Variants in FRY observed in about 807,000 individuals in gnomAD.
FRY encodes the protein FRY microtubule binding protein.
In FRY, 128 loss-of-function variants were observed where a neutral mutation model predicts 348.4. That is an observed-to-expected ratio of 0.37 (90% CI 0.32 to 0.43). The LOEUF is 0.43. Ranked by LOEUF, FRY falls within the 20% of genes least tolerant of loss-of-function variation. The pLI is 1.00. For synonymous variants in FRY, 1,370 were observed against 1,374.7 expected (o/e 1.00, Z 0.08); for missense variants, 2,736 against 3,695.2 (o/e 0.74, Z 6.73).
intron 7 of FRY, among the ~76,000 whole-genome samples, chr13:32,128,052 A>T (rs1879135114): frequency 6.6e-6 from 1 of 152,214 alleles, no homozygotes; most frequent in Non-Finnish European, 1.5e-5. Context: ...TCTGGAAATA[A>T]TTTGAAAAGA....
chr13:32,196,508 G>A (rs926628329), intron 29 of FRY, among the ~76,000 whole-genome samples: 11 of 152,104 alleles, frequency 7.2e-5, no homozygotes, highest in Admixed American at 6.6e-5. Context: ...TGTGGCAATG[G>A]GGAAAATGGT....
At chr13:32,137,829 AC>A (rs1382866366) in intron 11 of FRY, among the ~76,000 whole-genome samples, 25 of 151,994 alleles carry the variant, frequency 1.6e-4, no homozygotes, top group Non-Finnish European at 3.1e-4. Flanking sequence ...TATACACGTT[AC>A]CTTTTTTTTT....
At chr13:32,053,194 A>G (rs1873437935) in intron 1 of FRY, among the ~76,000 whole-genome samples, 1 of 152,236 alleles carries the variant, frequency 6.6e-6, no homozygotes, top group Non-Finnish European at 1.5e-5. Context: ...TAGCTACTGT[A>G]TTAGAACACA....
intron 1 of FRY, among the ~76,000 whole-genome samples, chr13:32,040,285 G>A (rs964308159): frequency 2.6e-5 from 4 of 152,126 alleles, no homozygotes; most frequent in Non-Finnish European, 5.9e-5. Flanking sequence ...ACAAGATTGG[G>A]TTTTTCTTCT....
intron 3 of FRY, among the ~76,000 whole-genome samples, chr13:32,106,302 A>G (rs1402223719): frequency 6.6e-6 from 1 of 151,684 alleles, no homozygotes; most frequent in Non-Finnish European, 1.5e-5. Context: ...AACCTGAAGG[A>G]GCCAAGACTG....
At chr13:32,238,388 G>GT (rs1377528495) in intron 44 of FRY, among the ~76,000 whole-genome samples, 2 of 151,752 alleles carry the variant, frequency 1.3e-5, no homozygotes, top group Non-Finnish European at 2.9e-5. Flanking sequence ...GTTTCCTCTT[G>GT]TTTTGAATTA....
At chr13:32,131,866 G>A (rs767054311) in intron 8 of FRY, 26 bp downstream of exon 8, 5 of 1,585,442 alleles carry the variant, frequency 3.2e-6, no homozygotes, top group East Asian at 2.2e-5. Flanking sequence ...GGAGAGCTAA[G>A]GTGCTCTCAA....
chr13:32,123,293 C>T (rs1353950465), intron 4 of FRY, among the ~76,000 whole-genome samples: 3 of 152,194 alleles, frequency 2.0e-5, no homozygotes, highest in Non-Finnish European at 4.4e-5. Flanking sequence ...TCAAATTATA[C>T]TATAAGGCCA....
At chr13:32,167,104 C>T (rs1226076615) in intron 17 of FRY, among the ~76,000 whole-genome samples, 1 of 152,192 alleles carries the variant, frequency 6.6e-6, no homozygotes, top group Non-Finnish European at 1.5e-5. Context: ...GAATCAATCT[C>T]ATTTGGAAAG....
intron 41 of FRY, 58 bp from the exon 42 acceptor site, chr13:32,234,516 G>A: frequency 6.8e-7 from 1 of 1,473,188 alleles, no homozygotes; most frequent in South Asian, 1.1e-5. Flanking sequence ...AGGTAACTTT[G>A]ATGCCCCAGA....
intron 1 of FRY, among the ~76,000 whole-genome samples, chr13:32,074,190 G>A (rs1211131724): frequency 6.6e-6 from 1 of 152,140 alleles, no homozygotes; most frequent in African/African-American, 2.4e-5. Context: ...TAATATAAAA[G>A]ATAGAGACCC....
intron 8 of FRY, among the ~76,000 whole-genome samples, 200 bp from the exon 9 acceptor site, chr13:32,134,704 T>C (rs1011325096): frequency 9.2e-5 from 14 of 152,234 alleles, no homozygotes; most frequent in Non-Finnish European, 1.8e-4. Context: ...AAAACCAGCC[T>C]TGCAGAATGT....
intron 35 of FRY, among the ~76,000 whole-genome samples, chr13:32,214,588 T>C (rs1340832229): frequency 1.3e-5 from 2 of 152,244 alleles, no homozygotes; most frequent in Non-Finnish European, 2.9e-5. Flanking sequence ...TCTACTGTGC[T>C]GTGCATAGTA....
At chr13:32,035,736 C>T (rs946818096) in intron 1 of FRY, among the ~76,000 whole-genome samples, 3 of 152,190 alleles carry the variant, frequency 2.0e-5, no homozygotes, top group African/African-American at 4.8e-5. Context: ...GCTACACCAT[C>T]GAGGGAAACT....
In FRY at chr13:32,212,314, A is replaced by C; in HGVS notation, c.4614A>C (p.Thr1538=). ...AASGTTSSSN[T]VVAGQENFPD... ...CAGGAACCACCTCTAGCAGCAATAC[A>C]GTGGTTGCTGGCCAGGAAAATTTCC... is the stretch of plus-strand genomic sequence containing the variant. Residue 1538 remains threonine (T), a synonymous_variant, in exon 35 of 61, where the codon ACA becomes ACC. Transcript: ENST00000542859. 6.2e-7 allele frequency: 1 copy of C among 1,606,972 alleles called. No homozygotes were observed. Among genetic ancestry groups the C allele is most frequent in the South Asian group, 1.1e-5 (1 of 90,622 alleles).
chr13:32,163,758 GT>G (rs1241021918), intron 17 of FRY, among the ~76,000 whole-genome samples: 24 of 152,342 alleles, frequency 1.6e-4, no homozygotes, highest in African/African-American at 4.1e-4. Flanking sequence ...CCAGACCATG[GT>G]GCCAGGCGTG....
In FRY at chr13:32,270,209, C is replaced by CT. The variant is rs754618805; in HGVS notation, c.8136+2865dup. ...CTTATTAGTTATATTTTTCTAAAAG[C>CT]TTTTTTTTTTTTTTTGAGATGGAGT... On this transcript the variant is annotated intron_variant, in intron 55 of 60. Transcript: ENST00000542859. Among the ~76,000 whole-genome samples, 397 of 140,704 alleles carry CT rather than the reference C, an allele frequency of 2.8e-3. 1 individual carries two copies. Among genetic ancestry groups the CT allele is most frequent in the Middle Eastern group, 3.6e-3 (1 of 274 alleles). The allele number at this position is 140,704 out of a possible 152,430, so 92.3% of individuals were successfully genotyped here. A position where few individuals can be genotyped will look rare whatever the true frequency, so the allele number is the denominator to read the frequency against.
chr13:32,159,262 A>G (rs949847553), intron 16 of FRY, among the ~76,000 whole-genome samples: 3 of 152,006 alleles, frequency 2.0e-5, no homozygotes, highest in African/African-American at 7.2e-5. Context: ...AAGGAAGAAG[A>G]GAAATGTTAG....
At chr13:32,113,238 A>G (rs557932475) in intron 3 of FRY, among the ~76,000 whole-genome samples, 121 of 152,324 alleles carry the variant, frequency 7.9e-4, no homozygotes, top group African/African-American at 2.8e-3. Context: ...TGTTAGAGAA[A>G]TTAAACCATC....
Sources: allele counts gnomAD v4.1 joint callset (sites outside exome capture counted in the v4.1 genomes callset), GRCh38; gene constraint gnomAD v4.1.1; transcripts MANE v1.5; gene names NCBI Gene and HGNC (gene_info 2026-07-23, HGNC 2026-07-21).